Variants in TASOR2 observed in about 807,000 individuals in gnomAD.
TASOR2 encodes transcription activation suppressor family member 2, also known as protein TASOR 2.
In TASOR2, 84 loss-of-function variants were observed where a neutral mutation model predicts 199.5. The ratio of observed to expected loss-of-function variants is 0.42; its 90% CI spans 0.35 to 0.50. TASOR2 has a LOEUF of 0.50. Among genes scored for constraint, TASOR2 ranks in the 20% least tolerant of loss-of-function variants. The pLI is 0.02. For missense variants in TASOR2, 2,796 were observed against 2,835.9 expected, an observed-to-expected ratio of 0.99 and a Z score of 0.32; for synonymous variants, 1,103 against 1,046.6, an observed-to-expected ratio of 1.05 and a Z score of -1.04.
Position 5,719,435 on chromosome 10 carries a change from C to T in TASOR2, c.-99-1109C>T, listed in dbSNP as rs879595870. 9.2e-5 allele frequency among the ~76,000 whole-genome samples: 14 copies of T among 152,074 alleles called. No homozygotes were observed. The highest frequency in any genetic ancestry group is 1.8e-4 in the Non-Finnish European group (12 of 68,010). ...TCAGCTCACTGCAACCTCCACCTCC[C>T]GGGTTCAAGCAATTTTCCTACCTCA... On this transcript the variant is annotated intron_variant, in intron 3 of 20. Coordinates refer to ENST00000328090, the Ensembl canonical transcript of TASOR2. This position sits in a 1 kb window ranked among gnomAD's most constrained non-coding sequence, Gnocchi z 4.1.
chr10:5,720,528 A>G lies in TASOR2; in HGVS notation c.-99-16A>G. ...CCATAGTGCTACCCTGATAATACTT[A>G]TTTTTCCTCTTTCAGTATTACTTTT... is the stretch of plus-strand genomic sequence containing the variant. On this transcript the variant is annotated splice_polypyrimidine_tract_variant and intron_variant, in intron 3 of 20. Transcript: ENST00000328090. The surrounding 1 kb of genome is among the most constrained non-coding windows in gnomAD (Gnocchi z 5.3). 2 of 1,569,766 alleles carry G rather than the reference A, an allele frequency of 1.3e-6. No homozygotes were observed. Among genetic ancestry groups the G allele is most frequent in the Non-Finnish European group, 1.7e-6 (2 of 1,158,564 alleles).
Position 5,720,544 on chromosome 10 carries a change from T to G in TASOR2, c.-99T>G. ...ATAATACTTATTTTTCCTCTTTCAG[T>G]ATTACTTTTACGAACTTTCAGGCAA... On this transcript the variant is annotated splice_region_variant and 5_prime_UTR_variant, in exon 4 of 21. Coordinates refer to ENST00000328090, the Ensembl canonical transcript of TASOR2. This position sits in a 1 kb window ranked among gnomAD's most constrained non-coding sequence, Gnocchi z 5.3. 1.3e-6 allele frequency: 2 copies of G among 1,595,568 alleles called. No individual in the cohort carries two copies. Among genetic ancestry groups the G allele is most frequent in the Non-Finnish European group, 1.7e-6 (2 of 1,170,878 alleles).
At position 5,723,665 on chromosome 10, in the gene TASOR2, G is replaced by A; in HGVS notation, c.147-12G>A. The A allele has an allele frequency of 1.3e-6, 2 of 1,529,598 alleles. No individual in the cohort carries two copies. The highest frequency in any genetic ancestry group is 1.8e-6 in the Non-Finnish European group (2 of 1,124,068). 94.8% of individuals were successfully genotyped at this position (1,529,598 alleles called of 1,614,324 possible). ...TTATTATTCTGCTTGATACTGTTGT[G>A]TTGTTTTTCAGACCGCAGGAACTAG... On this transcript the variant is annotated splice_polypyrimidine_tract_variant and intron_variant, in intron 6 of 20. Coordinates refer to ENST00000328090, the Ensembl canonical transcript of TASOR2.
At chr10:5,749,475 C>T (rs1837709358) in exon 15 of TASOR2, 1 of 1,614,142 alleles carries the variant, frequency 6.2e-7, no homozygotes, top group South Asian at 1.1e-5. Context: ...TTGGTGCTTT[C>T]CCTTCGACAA....
intron 10 of TASOR2, among the ~76,000 whole-genome samples, chr10:5,729,909 CAT>C (rs1481329225): frequency 1.4e-5 from 2 of 147,344 alleles, no homozygotes; most frequent in Non-Finnish European, 1.5e-5. Context: ...GGAGGTGAAA[CAT>C]AGACTAGTCA....
rs759109439 is a variant in TASOR2 at position 5,740,299 on chromosome 10, C to T, written c.2129C>T (p.Pro710Leu). ...CCCGGCCTTTTGCTTCAGCAAAAGC[C>T]TCCTGACGACCCCGTGGTGAAGCCC... is the stretch of plus-strand genomic sequence containing the variant. The change falls in exon 13 of 21, where the codon CCT becomes CTT. Residue 710 changes from proline (P) to leucine (L), a missense_variant. Pro to Leu is a moderately conservative substitution (Grantham distance 98). Transcript: ENST00000328090. This position sits in a 1 kb window ranked among gnomAD's most constrained non-coding sequence, Gnocchi z 5.3. 6.2e-7 allele frequency: 1 copy of T among 1,614,230 alleles called. No individual in the cohort carries two copies. Among genetic ancestry groups the T allele is most frequent in the East Asian group, 2.2e-5 (1 of 44,884 alleles).
chr10:5,735,518 C>A, exon 12 of TASOR2: 2 of 1,613,672 alleles, frequency 1.2e-6, no homozygotes, highest in East Asian at 2.2e-5. Flanking sequence ...GCAATGAGAA[C>A]CCCAGAAACA....
intron 12 of TASOR2, 41 bp from the exon 14 acceptor site, chr10:5,739,577 A>G (rs1187684802): frequency 6.4e-7 from 1 of 1,561,160 alleles, no homozygotes; most frequent in Non-Finnish European, 8.7e-7. Flanking sequence ...TAATTCTATG[A>G]CAAGCAAACA....
chr10:5,705,634 A>G (rs1170906733), intron 1 of TASOR2, among the ~76,000 whole-genome samples: 2 of 152,166 alleles, frequency 1.3e-5, no homozygotes, highest in East Asian at 1.9e-4. Context: ...ATCCTTGCCA[A>G]CGCTTGGTAT....
intron 15 of TASOR2, among the ~76,000 whole-genome samples, chr10:5,753,075 G>T (rs1838302586): frequency 6.6e-6 from 1 of 152,060 alleles, no homozygotes; most frequent in African/African-American, 2.4e-5. Flanking sequence ...TTTAAAAACT[G>T]GTTGTGATTT....
chr10:5,685,186 C>A lies in TASOR2; in HGVS notation c.-288+11C>A, dbSNP rs1835662211. On this transcript the variant is annotated intron_variant, in intron 1 of 20. Coordinates refer to ENST00000328090, the Ensembl canonical transcript of TASOR2. This position sits in a 1 kb window ranked among gnomAD's most constrained non-coding sequence, Gnocchi z 5.4. Reference sequence around the variant, plus strand: ...CCACGCCAAGGACGGGTAAGTCCCTCCTCGGCCTGGGCGCCCGGGAACCCT... The same window carrying A: ...CCACGCCAAGGACGGGTAAGTCCCTACTCGGCCTGGGCGCCCGGGAACCCT... 1.8e-5 allele frequency: 7 copies of A among 397,842 alleles called. No individual in the cohort carries two copies. The South Asian group carries it at 7.6e-4, about 43-fold the overall frequency. The allele number at this position is 397,842 out of a possible 1,614,324, so 24.6% of individuals were successfully genotyped here.
chr10:5,758,963 G>A, exon 18 of TASOR2: 7 of 1,613,904 alleles, frequency 4.3e-6, no homozygotes, highest in Non-Finnish European at 5.9e-6. Context: ...TTCACTACAG[G>A]GAAAATAAAA....
At chr10:5,716,207 G>C (rs866068108) in intron 2 of TASOR2, among the ~76,000 whole-genome samples, 15 of 152,156 alleles carry the variant, frequency 9.9e-5, no homozygotes, top group African/African-American at 3.4e-4. Flanking sequence ...TGACCAAAAT[G>C]TTATATTATA....
intron 9 of TASOR2, 51 bp downstream of exon 10, chr10:5,727,008 CT>C (rs1834130424): frequency 6.2e-7 from 1 of 1,613,078 alleles, no homozygotes; most frequent in Admixed American, 1.7e-5. Context: ...TTTACTTTTG[CT>C]TTATAAGATC....
rs11598629 is a variant in TASOR2, at chr10:5,685,287, C to T, written c.-288+112C>T. The T allele has an allele frequency of 8.5e-3, 3,379 of 396,728 alleles. 38 individuals are homozygous for T. The highest frequency in any genetic ancestry group is 0.053 in the South Asian group (391 of 7,366). 24.6% of individuals were successfully genotyped at this position (396,728 alleles called of 1,614,324 possible). ...GCTTGGCTGCGAGGGTCGACGCGTT[C>T]TCCTTGCCTTTTGCCGCGCTCCGGG... On this transcript the variant is annotated intron_variant, in intron 1 of 20. Transcript: ENST00000328090. The surrounding 1 kb of genome is among the most constrained non-coding windows in gnomAD (Gnocchi z 5.4).
Position 5,710,406 on chromosome 10 carries a change from A to C in TASOR2, c.-287-2417A>C, listed in dbSNP as rs926532402. 1.3e-5 allele frequency among the ~76,000 whole-genome samples: 2 copies of C among 152,154 alleles called. No individual in the cohort carries two copies. Among genetic ancestry groups the C allele is most frequent in the African/African-American group, 4.8e-5 (2 of 41,458 alleles). ...GTGGAAGCATTTTTAACCATAAATA[A>C]ATAGTTCTGGAAATAAAAATATATA... On this transcript the variant is annotated intron_variant, in intron 1 of 20. Coordinates refer to ENST00000328090, the Ensembl canonical transcript of TASOR2. This position sits in a 1 kb window ranked among gnomAD's most constrained non-coding sequence, Gnocchi z 4.6.
Position 5,717,656 on chromosome 10 carries a change from C to T in TASOR2, c.-191-3C>T, listed in dbSNP as rs760911821. The stretch of plus-strand genomic sequence containing the variant: ...GCTTAATCTATATTTTATACTTTTA[C>T]AGGTGTATACATTTCCAAATACTCC... On this transcript the variant is annotated splice_polypyrimidine_tract_variant and splice_region_variant and intron_variant, in intron 2 of 20. Coordinates refer to ENST00000328090, the Ensembl canonical transcript of TASOR2. 8.5e-7 allele frequency: 1 copy of T among 1,182,172 alleles called. No homozygotes were observed. Among genetic ancestry groups the T allele is most frequent in the Non-Finnish European group, 1.1e-6 (1 of 942,488 alleles). The allele number at this position is 1,182,172 out of a possible 1,614,324, so 73.2% of individuals were successfully genotyped here. A position where few individuals can be genotyped will look rare whatever the true frequency, so the allele number is the denominator to read the frequency against.
In TASOR2 at chr10:5,714,059, A is replaced by T. The variant is rs538801926; in HGVS notation, c.-192+1141A>T. ...CTATTGTATAATAAAAAATAAAATT[A>T]AAAAAAAAAACCTTACAGATTATAG... On this transcript the variant is annotated intron_variant, in intron 2 of 20. Coordinates refer to ENST00000328090, the Ensembl canonical transcript of TASOR2. 8.5e-3 allele frequency: 4,981 copies of T among 584,292 alleles called. 58 individuals carry two copies. Among genetic ancestry groups the T allele is most frequent in the South Asian group, 0.059 (616 of 10,390 alleles). The allele number at this position is 584,292 out of a possible 1,614,324, so 36.2% of individuals were successfully genotyped here.
chr10:5,707,003 C>CA (rs5782855), intron 1 of TASOR2, among the ~76,000 whole-genome samples: 98,331 of 147,104 alleles, frequency 0.67, 32,699 homozygotes, highest in African/African-American at 0.76. Flanking sequence ...GACTCCGTCT[C>CA]AAAAAAAAAA....
Sources: allele counts gnomAD v4.1 joint callset (sites outside exome capture counted in the v4.1 genomes callset), GRCh38; gene constraint gnomAD v4.1.1; non-coding constraint Gnocchi (gnomAD v3.1); transcripts MANE v1.5; gene names NCBI Gene and HGNC (gene_info 2026-07-23, HGNC 2026-07-21).